The following TGFA variants were observed in gnomAD, a reference collection of about 807,000 sequenced individuals.
TGFA encodes transforming growth factor alpha.
TGFA carries 12 observed loss-of-function variants against 21.7 expected under a neutral mutation model. That is an observed-to-expected ratio of 0.55 (90% CI 0.35 to 0.90). TGFA has a LOEUF of 0.90. Among genes scored for constraint, TGFA ranks in the 40% least tolerant of loss-of-function variants. The pLI is 0.01. For missense variants in TGFA, 178 were observed against 210.8 expected, an observed-to-expected ratio of 0.84 and a Z score of 0.96; for synonymous variants, 79 against 88.1, an observed-to-expected ratio of 0.90 and a Z score of 0.58.
chr2:70,491,616 T>C (rs1553497646), intron 2 of TGFA, among the ~76,000 whole-genome samples: 2 of 152,222 alleles, frequency 1.3e-5, no homozygotes, highest in Non-Finnish European at 1.5e-5. Flanking sequence ...CCTCTTACCC[T>C]GTTCCCAGCC....
In TGFA at chr2:70,506,173, C is replaced by T. The variant is rs548676255; in HGVS notation, c.94+8686G>A. ...AGAAGACGTTTGAGGTTTGAGGTGGCCCAAGTTCTGAGGTTTTTGACTTTT... is the reference window on the plus strand; with the variant it reads ...AGAAGACGTTTGAGGTTTGAGGTGGTCCAAGTTCTGAGGTTTTTGACTTTT... On this transcript the variant is annotated intron_variant, in intron 2 of 5. Coordinates refer to ENST00000295400, the MANE Select transcript of TGFA (RefSeq NM_003236.4). Among the ~76,000 whole-genome samples the T allele has an allele frequency of 3.9e-5, 6 of 152,308 alleles. No homozygotes were observed. In the South Asian group the frequency reaches 8.3e-4, roughly 21 times the overall value.
intron 1 of TGFA, chr2:70,553,432 C>T (rs1471419956): frequency 4.9e-6 from 7 of 1,416,564 alleles, no homozygotes; most frequent in Non-Finnish European, 5.5e-6. Context: ...AGCAGACACA[C>T]AGCTGCGGCG....
intron 2 of TGFA, among the ~76,000 whole-genome samples, chr2:70,473,706 T>A (rs548360847): frequency 2.0e-5 from 3 of 151,844 alleles, no homozygotes; most frequent in Non-Finnish European, 4.4e-5. Context: ...ATGGTGGAGA[T>A]GAGATAAATA....
chr2:70,480,377 G>T (rs1553495230), intron 2 of TGFA, among the ~76,000 whole-genome samples: 2 of 152,182 alleles, frequency 1.3e-5, no homozygotes, highest in Non-Finnish European at 2.9e-5. Context: ...AGGAGTGATT[G>T]TTGGACTAGG....
chr2:70,540,316 G>A (rs139545160), intron 1 of TGFA, among the ~76,000 whole-genome samples: 1 of 152,164 alleles, frequency 6.6e-6, no homozygotes, highest in Non-Finnish European at 1.5e-5. Context: ...ACTCATAAGA[G>A]TGGTTCATTA....
chr2:70,483,164 G>A (rs781845945), intron 2 of TGFA, among the ~76,000 whole-genome samples: 4 of 152,112 alleles, frequency 2.6e-5, no homozygotes, highest in Non-Finnish European at 5.9e-5. Flanking sequence ...CCTTATGCTG[G>A]TGGCATTTCC....
chr2:70,471,116 C>G (rs1162976514), intron 2 of TGFA, among the ~76,000 whole-genome samples: 6 of 141,662 alleles, frequency 4.2e-5, no homozygotes, highest in Non-Finnish European at 6.0e-5. Context: ...CGCACCCCCC[C>G]CACCATATAA....
chr2:70,552,245 T>A (rs1045519807), intron 1 of TGFA, among the ~76,000 whole-genome samples: 1 of 152,196 alleles, frequency 6.6e-6, no homozygotes, highest in Non-Finnish European at 1.5e-5. Context: ...ACCTTCTTTA[T>A]CCGGTTGGTG....
intron 2 of TGFA, among the ~76,000 whole-genome samples, chr2:70,485,179 G>A (rs569713371): frequency 7.9e-5 from 12 of 152,194 alleles, no homozygotes; most frequent in East Asian, 5.8e-4. Flanking sequence ...TAGCCTTACC[G>A]CTCTTCCTTC....
intron 2 of TGFA, among the ~76,000 whole-genome samples, chr2:70,504,483 T>TACACACACAC (rs58997765): frequency 1.1e-4 from 10 of 92,066 alleles, no homozygotes; most frequent in African/African-American, 2.2e-4. Context: ...CATACATACA[T>TACACACACAC]ACACACACAC....
chr2:70,542,468 T>C (rs1553505297), intron 1 of TGFA, among the ~76,000 whole-genome samples: 1 of 152,142 alleles, frequency 6.6e-6, no homozygotes. Context: ...GAAGATACGG[T>C]CTCATTGTAA....
At chr2:70,515,598 C>G (rs1672248152) in intron 1 of TGFA, among the ~76,000 whole-genome samples, 1 of 152,170 alleles carries the variant, frequency 6.6e-6, no homozygotes, top group African/African-American at 2.4e-5. Context: ...GATATTGCCT[C>G]CTCCCTGCCA....
intron 1 of TGFA, among the ~76,000 whole-genome samples, chr2:70,549,795 T>TC (rs1553506536): frequency 6.6e-6 from 1 of 152,222 alleles, no homozygotes; most frequent in African/African-American, 2.4e-5. Flanking sequence ...CATCACTTAT[T>TC]CCTATAAGAA....
chr2:70,486,668 C>T (rs1466812151), intron 2 of TGFA, among the ~76,000 whole-genome samples: 3 of 151,952 alleles, frequency 2.0e-5, no homozygotes, highest in Admixed American at 2.0e-4. Flanking sequence ...TTGCATGTTG[C>T]CTAGACTGGT....
chr2:70,506,434 G>A (rs557620774), intron 2 of TGFA, among the ~76,000 whole-genome samples: 4 of 152,142 alleles, frequency 2.6e-5, no homozygotes, highest in Admixed American at 2.0e-4. Flanking sequence ...TTTCTGGATC[G>A]CATGCTGTAA....
intron 1 of TGFA, among the ~76,000 whole-genome samples, chr2:70,543,607 A>G (rs1673202088): frequency 1.3e-5 from 2 of 152,200 alleles, no homozygotes; most frequent in Admixed American, 1.3e-4. Context: ...AAAGGAGTTC[A>G]TTTATAAATC....
At chr2:70,458,099 A>G (rs547545537) in intron 3 of TGFA, among the ~76,000 whole-genome samples, 1 of 152,246 alleles carries the variant, frequency 6.6e-6, no homozygotes, top group Non-Finnish European at 1.5e-5. Context: ...GGACAGGGGC[A>G]GGGTTTTTTT....
intron 1 of TGFA, among the ~76,000 whole-genome samples, chr2:70,535,893 AG>A (rs1437625325): frequency 1.3e-5 from 2 of 152,258 alleles, no homozygotes; most frequent in Non-Finnish European, 2.9e-5. Flanking sequence ...GATTCAAAAA[AG>A]AATTTATTTG....
chr2:70,480,003 G>T (rs1401251802), intron 2 of TGFA, among the ~76,000 whole-genome samples: 2 of 152,204 alleles, frequency 1.3e-5, no homozygotes, highest in Non-Finnish European at 2.9e-5. Flanking sequence ...CTTTCGTGTA[G>T]CATCATGGGG....
Sources: gnomAD v4.1 joint callset for allele counts (sites outside exome capture counted in the v4.1 genomes callset) on GRCh38, gnomAD v4.1.1 for gene constraint, MANE v1.5 for transcripts, NCBI Gene and HGNC (gene_info 2026-07-23, HGNC 2026-07-21) for gene names.